The following PMVK variants were observed in gnomAD, a reference collection of about 807,000 sequenced individuals.
The protein encoded by PMVK is testis tissue sperm-binding protein Li 95mP.
A neutral mutation model predicts 19.0 loss-of-function variants in PMVK; 10 were observed. The observed-to-expected ratio is 0.53, with a 90% confidence interval of 0.32 to 0.89. PMVK has a LOEUF of 0.89. Ranked by LOEUF, PMVK falls within the 40% of genes least tolerant of loss-of-function variation. The probability of loss-of-function intolerance (pLI) is 0.03; values close to 1 mark genes in which losing one functional copy is unlikely to be tolerated. For missense variants in PMVK, 222 were observed against 251.1 expected (o/e 0.88, Z 0.78); for synonymous variants, 108 against 101.6 (o/e 1.06, Z -0.38).
chr1:154,933,261 C>G (rs895807693), intron 1 of PMVK, among the ~76,000 whole-genome samples: 1 of 151,964 alleles, frequency 6.6e-6, no homozygotes, highest in African/African-American at 2.4e-5. Context: ...CGGTGAAACC[C>G]TGTCTCTACT....
At chr1:154,942,212 G>C in the PMVK span, among the ~76,000 whole-genome samples, 1 of 152,164 alleles carries the variant, frequency 6.6e-6, no homozygotes, top group Non-Finnish European at 1.5e-5. Flanking sequence ...TGCTGAAACT[G>C]GAAGAGCCCA....
At chr1:154,927,482 G>A (rs1057189006) in intron 3 of PMVK, among the ~76,000 whole-genome samples, 19 of 143,874 alleles carry the variant, frequency 1.3e-4, no homozygotes, top group Admixed American at 2.1e-4. Flanking sequence ...AAAAACACAG[G>A]AAAGTCCTCC....
upstream of PMVK, among the ~76,000 whole-genome samples, chr1:154,940,569 A>G (rs567889959): frequency 6.6e-6 from 1 of 152,302 alleles, no homozygotes; most frequent in African/African-American, 2.4e-5. Context: ...ACCTTTGCCT[A>G]GCCTGAAATA....
intron 3 of PMVK, among the ~76,000 whole-genome samples, chr1:154,927,988 G>A (rs1386261540): frequency 2.0e-5 from 3 of 152,058 alleles, no homozygotes; most frequent in South Asian, 2.1e-4. Context: ...TGTAATGTAA[G>A]CTCCCTGAAG....
intron 2 of PMVK, among the ~76,000 whole-genome samples, chr1:154,932,141 T>G (rs1185169614): frequency 1.3e-5 from 2 of 152,150 alleles, no homozygotes; most frequent in Admixed American, 1.3e-4. Flanking sequence ...CACACCTTCC[T>G]GAACTCACTC....
upstream of PMVK, chr1:154,936,799 C>T: frequency 2.2e-6 from 2 of 900,592 alleles, no homozygotes; most frequent in South Asian, 3.1e-5. Context: ...GGAACAATCG[C>T]GCCCCTCCTC....
chr1:154,932,522 G>T, intron 1 of PMVK, 107 bp from the exon 2 acceptor site: 1 of 664,804 alleles, frequency 1.5e-6, no homozygotes, highest in Non-Finnish European at 2.6e-6. Flanking sequence ...TTCTACTACT[G>T]GTATTATGTA....
intron 4 of PMVK, among the ~76,000 whole-genome samples, chr1:154,925,866 G>C (rs1369118375): frequency 6.6e-6 from 1 of 152,238 alleles, no homozygotes; most frequent in Non-Finnish European, 1.5e-5. Context: ...AGCAGCATTA[G>C]TAGTGGTCAT....
chr1:154,935,399 C>T (rs200972624), intron 1 of PMVK, among the ~76,000 whole-genome samples: 1 of 152,212 alleles, frequency 6.6e-6, no homozygotes, highest in East Asian at 1.9e-4. Context: ...TTCTCCCCAA[C>T]CTCTGCTCTC....
At chr1:154,928,601 G>A (rs960043574) in intron 3 of PMVK, among the ~76,000 whole-genome samples, 6 of 151,980 alleles carry the variant, frequency 3.9e-5, no homozygotes, top group East Asian at 1.9e-4. Context: ...GTGAAAACCC[G>A]TCTCTACTAA....
intron 2 of PMVK, 88 bp downstream of exon 2, chr1:154,932,264 C>A: frequency 1.1e-6 from 1 of 939,826 alleles, no homozygotes. Flanking sequence ...TGACGGGAAT[C>A]ATGCCAGTGA....
intron 4 of PMVK, among the ~76,000 whole-genome samples, chr1:154,925,623 T>G (rs866317820): frequency 6.6e-6 from 1 of 152,188 alleles, no homozygotes; most frequent in African/African-American, 2.4e-5. Flanking sequence ...TCTGACTCAA[T>G]CCCCTCAGGA....
intron 4 of PMVK, 42 bp downstream of exon 4, chr1:154,926,312 G>A: frequency 1.3e-6 from 2 of 1,585,538 alleles, no homozygotes; most frequent in South Asian, 2.3e-5. Flanking sequence ...CACAGGGTGG[G>A]TAGCCTGTGT....
upstream of PMVK, among the ~76,000 whole-genome samples, chr1:154,939,704 CAA>C (rs79939253): frequency 2.8e-3 from 327 of 117,556 alleles, 3 homozygotes; most frequent in African/African-American, 5.9e-3. Flanking sequence ...GACTCCATCT[CAA>C]AAAAAAAAAA....
upstream of PMVK, among the ~76,000 whole-genome samples, chr1:154,939,202 G>A (rs1558034374): frequency 6.6e-6 from 1 of 152,144 alleles, no homozygotes; most frequent in South Asian, 2.1e-4. Flanking sequence ...CAGCTCCTAT[G>A]GACACACCCT....
At chr1:154,935,058 CAAAAAAAAAAAAAAA>C (rs569402578) in intron 1 of PMVK, among the ~76,000 whole-genome samples, 15 of 22,264 alleles carry the variant, frequency 6.7e-4, no homozygotes, top group Non-Finnish European at 1.3e-3. Context: ...GACTCCGTCT[CAAAAAAAAAAAAAAA>C]AAAAAAAAAA....
chr1:154,934,321 T>C (rs1337465457), intron 1 of PMVK, among the ~76,000 whole-genome samples: 2 of 152,140 alleles, frequency 1.3e-5, no homozygotes, highest in East Asian at 3.9e-4. Context: ...TGTTTTGTTT[T>C]GGTTTGGTTT....
intron 1 of PMVK, 53 bp downstream of exon 1, chr1:154,936,538 G>C (rs1571386837): frequency 9.0e-6 from 14 of 1,553,992 alleles, no homozygotes; most frequent in East Asian, 2.4e-5. Flanking sequence ...AGCACTCCTC[G>C]TGTCACGTGA....
chr1:154,936,421 G>A lies in PMVK; in HGVS notation c.95+170C>T. ...TGCTTCTTTGAGGCTCGCCTGTGTA[G>A]ACTACTGTTTTATGTAATGGTGGCA... On this transcript the variant is annotated intron_variant, in intron 1 of 4. Coordinates refer to ENST00000368467, the MANE Select transcript of PMVK (RefSeq NM_006556.4). 6 of 985,412 alleles carry A rather than the reference G, an allele frequency of 6.1e-6. No individual in the cohort carries two copies. The South Asian group carries it at 2.8e-4, about 46-fold the overall frequency. 61.0% of individuals were successfully genotyped at this position (985,412 alleles called of 1,614,324 possible).
Sources: allele counts gnomAD v4.1 joint callset (sites outside exome capture counted in the v4.1 genomes callset), GRCh38; gene constraint gnomAD v4.1.1; transcripts MANE v1.5; gene names NCBI Gene and HGNC (gene_info 2026-07-23, HGNC 2026-07-21).